The following NNT variants were observed in gnomAD, a reference collection of about 807,000 sequenced individuals.
NNT encodes nicotinamide nucleotide transhydrogenase.
Under a neutral mutation model 104.8 loss-of-function variants are expected in NNT, and 50 were observed. That is an observed-to-expected ratio of 0.48 (90% CI 0.38 to 0.60). The LOEUF is 0.60. Among genes scored for constraint, NNT ranks in the 20% least tolerant of loss-of-function variants. NNT has a pLI of 0.00. For missense variants in NNT, 1,131 were observed against 1,330.7 expected (o/e 0.85, Z 2.33); for synonymous variants, 461 against 490.4 (o/e 0.94, Z 0.79).
chr5:43,665,239 TA>T (rs2112008566), intron 17 of NNT, among the ~76,000 whole-genome samples: 1 of 150,390 alleles, frequency 6.6e-6, no homozygotes, highest in Admixed American at 6.6e-5. Flanking sequence ...TTATTATTAT[TA>T]TTTTTTAGTA....
intron 3 of NNT, among the ~76,000 whole-genome samples, chr5:43,615,416 T>C (rs1421844939): frequency 6.6e-6 from 1 of 152,260 alleles, no homozygotes; most frequent in Non-Finnish European, 1.5e-5. Context: ...CAATTATTCA[T>C]GCTTGCCAAA....
chr5:43,696,371 A>T (rs1224773412), intron 19 of NNT, among the ~76,000 whole-genome samples: 2 of 152,126 alleles, frequency 1.3e-5, no homozygotes, highest in Non-Finnish European at 2.9e-5. Context: ...GTGGGTTCCC[A>T]TGGTCTTGGG....
chr5:43,664,353 G>A (rs891257883), intron 17 of NNT, among the ~76,000 whole-genome samples: 1 of 152,174 alleles, frequency 6.6e-6, no homozygotes, highest in African/African-American at 2.4e-5. Context: ...GCACTTTGCT[G>A]CTTGGTTCCA....
At chr5:43,665,004 G>C (rs1740554153) in intron 17 of NNT, among the ~76,000 whole-genome samples, 1 of 151,924 alleles carries the variant, frequency 6.6e-6, no homozygotes, top group African/African-American at 2.4e-5. Context: ...TGTCCTCAGA[G>C]ATTCTTTCCT....
At chr5:43,621,251 GT>G (rs1440557502) in intron 5 of NNT, among the ~76,000 whole-genome samples, 2 of 152,178 alleles carry the variant, frequency 1.3e-5, no homozygotes, top group Non-Finnish European at 2.9e-5. Context: ...TGTGATTTTT[GT>G]TGCCATTTTA....
At chr5:43,609,022 G>A (rs1390389631) in intron 1 of NNT, 121 bp from the exon 2 acceptor site, 1 of 483,662 alleles carries the variant, frequency 2.1e-6, no homozygotes, top group Admixed American at 3.8e-5. Context: ...CTTTATAGAT[G>A]TCTACATGTA....
chr5:43,620,497 G>A (rs964623247), intron 5 of NNT, among the ~76,000 whole-genome samples: 16 of 152,102 alleles, frequency 1.1e-4, no homozygotes, highest in Non-Finnish European at 2.1e-4. Flanking sequence ...TGGGATTACA[G>A]GCTTGAGCCA....
chr5:43,634,215 G>T (rs936026736), intron 7 of NNT, among the ~76,000 whole-genome samples: 4 of 152,114 alleles, frequency 2.6e-5, no homozygotes, highest in African/African-American at 7.2e-5. Context: ...CAATATGCAA[G>T]TTCCTTACAT....
intron 1 of NNT, among the ~76,000 whole-genome samples, chr5:43,605,835 A>G (rs1193234410): frequency 6.6e-6 from 1 of 152,174 alleles, no homozygotes; most frequent in Middle Eastern, 3.2e-3. Flanking sequence ...TCACAGTTGA[A>G]TCAAGTGAAA....
chr5:43,654,884 G>C (rs1340030862), intron 14 of NNT, among the ~76,000 whole-genome samples: 1 of 152,160 alleles, frequency 6.6e-6, no homozygotes, highest in East Asian at 1.9e-4. Context: ...TCTGGGGAAA[G>C]GGACTTGAAG....
intron 7 of NNT, among the ~76,000 whole-genome samples, chr5:43,643,738 C>T (rs138891282): frequency 9.1e-4 from 139 of 152,288 alleles, no homozygotes; most frequent in African/African-American, 3.2e-3. Flanking sequence ...AGATAATTGG[C>T]AATGTTCTGT....
chr5:43,654,952 A>T (rs1235809679), intron 14 of NNT, among the ~76,000 whole-genome samples: 1 of 152,168 alleles, frequency 6.6e-6, no homozygotes. Flanking sequence ...ATCTTAGCAA[A>T]TATTCTGAGC....
At chr5:43,668,983 A>G (rs1740879822) in intron 17 of NNT, among the ~76,000 whole-genome samples, 3 of 152,152 alleles carry the variant, frequency 2.0e-5, no homozygotes, top group Non-Finnish European at 2.9e-5. Flanking sequence ...TTCTCCTTGA[A>G]GAGGTCCTTC....
chr5:43,631,757 G>A (rs912753149), intron 7 of NNT, among the ~76,000 whole-genome samples: 1 of 152,042 alleles, frequency 6.6e-6, no homozygotes, highest in Admixed American at 6.6e-5. Flanking sequence ...TTTATAGTTA[G>A]CATACTTTAG....
chr5:43,697,157 A>G (rs527836789), intron 19 of NNT, among the ~76,000 whole-genome samples: 15 of 152,346 alleles, frequency 9.8e-5, no homozygotes, highest in African/African-American at 2.9e-4. Context: ...TGCCTTTAAC[A>G]GCACCCACGT....
At chr5:43,698,962 T>C (rs1359083249) in intron 19 of NNT, among the ~76,000 whole-genome samples, 1 of 151,766 alleles carries the variant, frequency 6.6e-6, no homozygotes, top group East Asian at 1.9e-4. Context: ...TGAAGGTATT[T>C]AGGCTGAGGT....
intron 5 of NNT, among the ~76,000 whole-genome samples, chr5:43,622,166 G>T (rs13360656): frequency 1.3e-5 from 2 of 152,190 alleles, no homozygotes; most frequent in African/African-American, 4.8e-5. Flanking sequence ...GTAGAGAAAG[G>T]TGAAGGATTT....
upstream of NNT, chr5:43,602,694 C>T (rs1195554367): frequency 6.6e-6 from 1 of 152,262 alleles, no homozygotes; most frequent in Non-Finnish European, 1.5e-5. Flanking sequence ...TGCCCCTTTC[C>T]CTTGGGTCCT....
At position 43,649,198 on chromosome 5, in the gene NNT, C is replaced by T. The variant is rs1319218131; in HGVS notation, c.1496C>T (p.Ser499Phe). ...ATTGCGGCTCCCAATCTAGCCTTTT[C>T]TCAGATGGTGACCACTTTTGGCTTG... ...LGIAAPNLAF[S>F]QMVTTFGLAG... The change falls in exon 11 of 22, where the codon TCT becomes TTT. Residue 499 changes from serine (S) to phenylalanine (F), a missense_variant. Physicochemically the swap from Ser to Phe is radical, Grantham distance 155. Coordinates refer to ENST00000344920, the MANE Select transcript of NNT (RefSeq NM_182977.3). 6.2e-7 allele frequency: 1 copy of T among 1,614,202 alleles called. No individual in the cohort carries two copies.
Sources: allele counts gnomAD v4.1 joint callset (sites outside exome capture counted in the v4.1 genomes callset), GRCh38; gene constraint gnomAD v4.1.1; transcripts MANE v1.5; gene names NCBI Gene and HGNC (gene_info 2026-07-23, HGNC 2026-07-21).